The following CYP7B1 variants were observed in gnomAD, a reference collection of about 807,000 sequenced individuals.
CYP7B1 encodes cytochrome P450 7B1.
In CYP7B1, 29 loss-of-function variants were observed where a neutral mutation model predicts 42.7. The ratio of observed to expected loss-of-function variants is 0.68; its 90% CI spans 0.51 to 0.93. The LOEUF is 0.93. CYP7B1 is among the 40% of genes least tolerant of loss of function. The pLI, the probability that CYP7B1 is intolerant of heterozygous loss-of-function variation, is 0.00. For missense variants in CYP7B1, 655 were observed against 600.5 expected (o/e 1.09, Z -0.95); for synonymous variants, 235 against 218.2 (o/e 1.08, Z -0.68).
At chr8:64,796,636 G>C (rs1804706181) in intron 1 of CYP7B1, among the ~76,000 whole-genome samples, 1 of 152,072 alleles carries the variant, frequency 6.6e-6, no homozygotes, top group African/African-American at 2.4e-5. Context: ...AAAGCTCAAA[G>C]ATATCTATGT....
intron 1 of CYP7B1, among the ~76,000 whole-genome samples, chr8:64,768,290 G>A (rs1406841078): frequency 2.6e-5 from 4 of 151,974 alleles, no homozygotes; most frequent in African/African-American, 7.3e-5. Flanking sequence ...AAGCAAGGAG[G>A]GGCAACCCCC....
At position 64,703,495 on chromosome 8, in the gene CYP7B1, T is replaced by C. The variant is rs113740010; in HGVS notation, c.123-78956A>G. Among the ~76,000 whole-genome samples, 258 of 152,022 alleles carry C rather than the reference T, an allele frequency of 1.7e-3. 4 individuals are homozygous for C. Among genetic ancestry groups the C allele is most frequent in the African/African-American group, 5.8e-3 (240 of 41,508 alleles). On this transcript the variant is annotated intron_variant, in intron 1 of 5. Transcript: ENST00000310193. The stretch of plus-strand genomic sequence containing the variant: ...CCATACAAAAGAAGCCAGGAAAATA[T>C]AGGTAGCAGCTAGGCCATCAGGACC...
At chr8:64,626,174 G>A (rs551622364) in intron 1 of CYP7B1, among the ~76,000 whole-genome samples, 2 of 152,288 alleles carry the variant, frequency 1.3e-5, no homozygotes, top group Admixed American at 6.5e-5. Flanking sequence ...GTAAGGACAA[G>A]CTGTGTACCA....
At chr8:64,648,751 A>T (rs763190248) in intron 1 of CYP7B1, among the ~76,000 whole-genome samples, 7 of 152,198 alleles carry the variant, frequency 4.6e-5, no homozygotes, top group Non-Finnish European at 1.0e-4. Context: ...GATGCTATAC[A>T]ACTTTTCTCA....
rs761588355 is a variant in CYP7B1 at position 64,616,084 on chromosome 8, G to T, written c.457C>A (p.Leu153Ile). 1 of 1,613,738 alleles carries T rather than the reference G, an allele frequency of 6.2e-7. No individual in the cohort carries two copies. Among genetic ancestry groups the T allele is most frequent in the Non-Finnish European group, 8.5e-7 (1 of 1,179,816 alleles). The change falls in exon 3 of 6, where the codon CTC becomes ATC. Residue 153 changes from leucine to isoleucine, a missense_variant. Transcript: ENST00000310193. ...AGATTCTGCATCATGCTTTCCAAGAGTATGTCCAAAGATTTGCCTTGCAAA... is the reference window on the plus strand; with the variant it reads ...AGATTCTGCATCATGCTTTCCAAGATTATGTCCAAAGATTTGCCTTGCAAA... ...QFLQGKSLDI[L>I]LESMMQNLKQ...
At chr8:64,661,191 C>T (rs200085294) in intron 1 of CYP7B1, among the ~76,000 whole-genome samples, 1 of 152,188 alleles carries the variant, frequency 6.6e-6, no homozygotes, top group East Asian at 1.9e-4. Context: ...TAGGAGGTCA[C>T]TGTAATTTGC....
intron 2 of CYP7B1, among the ~76,000 whole-genome samples, chr8:64,623,304 C>A (rs946000757): frequency 6.6e-6 from 1 of 152,164 alleles, no homozygotes; most frequent in Non-Finnish European, 1.5e-5. Flanking sequence ...TGAGCCTAGG[C>A]CTCAAGAGAC....
At chr8:64,740,497 T>TATAA (rs1432402006) in intron 1 of CYP7B1, among the ~76,000 whole-genome samples, 2 of 151,380 alleles carry the variant, frequency 1.3e-5, no homozygotes, top group Admixed American at 1.3e-4. Flanking sequence ...TAGTATACCT[T>TATAA]ATAAAAGACA....
chr8:64,686,762 CTT>C (rs915549276), intron 1 of CYP7B1, among the ~76,000 whole-genome samples: 2 of 75,482 alleles, frequency 2.6e-5, no homozygotes, highest in African/African-American at 1.2e-4. Flanking sequence ...ACATGGGAGA[CTT>C]TTCATTTTGT....
intron 1 of CYP7B1, among the ~76,000 whole-genome samples, chr8:64,787,254 A>G (rs1247744716): frequency 1.3e-5 from 2 of 152,046 alleles, no homozygotes; most frequent in African/African-American, 2.4e-5. Flanking sequence ...TTTCTTTTCT[A>G]TCACATTGTC....
intron 1 of CYP7B1, chr8:64,734,522 T>C (rs146534463): frequency 6.6e-6 from 1 of 152,212 alleles, no homozygotes; most frequent in African/African-American, 2.4e-5. Flanking sequence ...AATCCATTCA[T>C]GATGGCATAA....
intron 1 of CYP7B1, among the ~76,000 whole-genome samples, chr8:64,627,654 CTT>C (rs1375206433): frequency 6.6e-6 from 1 of 152,184 alleles, no homozygotes; most frequent in East Asian, 1.9e-4. Flanking sequence ...GGGATATTAA[CTT>C]AACATTCAGA....
chr8:64,670,464 T>A (rs1287498793), intron 1 of CYP7B1, among the ~76,000 whole-genome samples: 1 of 152,126 alleles, frequency 6.6e-6, no homozygotes, highest in African/African-American at 2.4e-5. Context: ...CCAAACTAAT[T>A]AATAAAATGA....
chr8:64,689,574 T>G lies in CYP7B1; in HGVS notation c.123-65035A>C, dbSNP rs557734206. On this transcript the variant is annotated intron_variant, in intron 1 of 5. Transcript: ENST00000310193. ...CACCAAAACAATTATTTGATTCCAG[T>G]TTTTTTTTTTGGACAGGGTCTCACT... Among the ~76,000 whole-genome samples the G allele has an allele frequency of 2.1e-3, 305 of 145,944 alleles. 2 individuals are homozygous for G. The highest frequency in any genetic ancestry group is 7.4e-3 in the African/African-American group (298 of 40,238).
chr8:64,642,665 G>T (rs913983444), intron 1 of CYP7B1, among the ~76,000 whole-genome samples: 4 of 152,142 alleles, frequency 2.6e-5, no homozygotes, highest in African/African-American at 4.8e-5. Flanking sequence ...TTAACCTTTT[G>T]TTGAATATCC....
At chr8:64,632,936 G>A (rs146957308) in intron 1 of CYP7B1, among the ~76,000 whole-genome samples, 4 of 152,062 alleles carry the variant, frequency 2.6e-5, no homozygotes, top group African/African-American at 9.7e-5. Context: ...AGAAAGGAAG[G>A]GGGGCGGGGA....
In CYP7B1 at chr8:64,593,980, CACTCTG is replaced by C. The variant is rs946892840; in HGVS notation, c.*2656_*2661del. ...TGAAGGTTAACAAGCTGGAGACTGACACTCTGACTCAAAATCAACCTTGGAGACCCT... is the reference window on the plus strand; with the variant it reads ...TGAAGGTTAACAAGCTGGAGACTGACACTCAAAATCAACCTTGGAGACCCT... On this transcript the variant is annotated 3_prime_UTR_variant, in exon 6 of 6. Coordinates refer to ENST00000310193, the MANE Select transcript of CYP7B1 (RefSeq NM_004820.5). Among the ~76,000 whole-genome samples the C allele has an allele frequency of 2.0e-5, 3 of 152,150 alleles. No homozygotes were observed. The highest frequency in any genetic ancestry group is 7.2e-5 in the African/African-American group (3 of 41,418).
At chr8:64,772,770 A>G (rs746801777) in intron 1 of CYP7B1, among the ~76,000 whole-genome samples, 6 of 152,144 alleles carry the variant, frequency 3.9e-5, no homozygotes, top group South Asian at 2.1e-4. Context: ...AATAAAAATC[A>G]AGCCTCACAA....
chr8:64,595,680 G>C lies in CYP7B1; in HGVS notation c.*962C>G, dbSNP rs565302591. On this transcript the variant is annotated 3_prime_UTR_variant, in exon 6 of 6. Transcript: ENST00000310193. ...TGCATGTGTCATATGAAATTACACTGCATTACATGATGTTGTAATTCAAAA... is the reference window on the plus strand; with the variant it reads ...TGCATGTGTCATATGAAATTACACTCCATTACATGATGTTGTAATTCAAAA... Among the ~76,000 whole-genome samples, 10 of 152,272 alleles carry C rather than the reference G, an allele frequency of 6.6e-5. No individual in the cohort carries two copies. The highest frequency in any genetic ancestry group is 6.5e-4 in the Admixed American group (10 of 15,294).
Sources: allele counts gnomAD v4.1 joint callset (sites outside exome capture counted in the v4.1 genomes callset), GRCh38; gene constraint gnomAD v4.1.1; transcripts MANE v1.5; gene names NCBI Gene and HGNC (gene_info 2026-07-23, HGNC 2026-07-21).